Variants in RGS3 observed in about 807,000 individuals in gnomAD.
RGS3 encodes regulator of G protein signaling 3.
A neutral mutation model predicts 132.6 loss-of-function variants in RGS3; 80 were observed. The ratio of observed to expected loss-of-function variants is 0.60; its 90% CI spans 0.50 to 0.73. The LOEUF (loss-of-function observed/expected upper bound fraction) is 0.73, where lower values mean the gene tolerates loss of function less well. Ranked by LOEUF, RGS3 falls within the 30% of genes least tolerant of loss-of-function variation. The pLI is 0.00. For synonymous variants in RGS3, 598 were observed against 620.6 expected (o/e 0.96, Z 0.54); for missense variants, 1,382 against 1,530.8 (o/e 0.90, Z 1.62).
Position 113,594,233 on chromosome 9 carries a change from CCT to C in RGS3, c.3081-196_3081-195del, listed in dbSNP as rs749276986. 1.1e-5 allele frequency: 17 copies of C among 1,612,788 alleles called. No homozygotes were observed. In the South Asian group the frequency reaches 1.8e-4, roughly 17 times the overall value. On this transcript the variant is annotated intron_variant, in intron 21 of 24. Coordinates refer to ENST00000350696, the Ensembl canonical transcript of RGS3. The stretch of plus-strand genomic sequence containing the variant: ...GGGGACAGGAGCCAGAGTGGTGCCT[CCT>C]ACAGACCAATCTGCGGCCCCAAGGT...
intron 19 of RGS3, chr9:113,564,854 G>T (rs138813070): frequency 4.4e-6 from 4 of 905,950 alleles, no homozygotes; most frequent in African/African-American, 3.6e-5. Flanking sequence ...TGTGCTGGCT[G>T]CAGGAGCCTG....
intron 20 of RGS3, among the ~76,000 whole-genome samples, chr9:113,588,721 G>A (rs1010654494): frequency 2.6e-5 from 4 of 152,246 alleles, no homozygotes; most frequent in Non-Finnish European, 5.9e-5. Flanking sequence ...TGCTAGCTGA[G>A]AGTACTTGCT....
In RGS3 at chr9:113,565,919, G is replaced by GTGTC. The variant is rs1833987964; in HGVS notation, c.2038-17530_2038-17529insGTCT. ...TGTGTGTGTGTGTGTGTGTGTGTCT[G>GTGTC]TCTGTCTGTCTGTCTCAGGGGCTGG... is the stretch of plus-strand genomic sequence containing the variant. On this transcript the variant is annotated intron_variant, in intron 19 of 24. Transcript: ENST00000350696. This position sits in a 1 kb window ranked among gnomAD's most constrained non-coding sequence, Gnocchi z 5.7. 6.6e-6 allele frequency among the ~76,000 whole-genome samples: 1 copy of GTGTC among 151,348 alleles called. No individual in the cohort carries two copies. The highest frequency in any genetic ancestry group is 2.4e-5 in the African/African-American group (1 of 41,186).
chr9:113,560,652 G>A lies in RGS3; in HGVS notation c.2038-22798G>A, dbSNP rs73655869. Among the ~76,000 whole-genome samples the A allele has an allele frequency of 4.5e-3, 687 of 152,328 alleles. 5 individuals are homozygous for A. Among genetic ancestry groups the A allele is most frequent in the African/African-American group, 0.016 (665 of 41,568 alleles). On this transcript the variant is annotated intron_variant, in intron 19 of 24. Coordinates refer to ENST00000350696, the Ensembl canonical transcript of RGS3. ...AATAACTAATTAACATTTCTTGGCC[G>A]ACTCTGCAGTGGGGAGGGCCTTTTT...
intron 1 of RGS3, among the ~76,000 whole-genome samples, chr9:113,451,544 C>T (rs1261826189): frequency 6.6e-6 from 1 of 152,190 alleles, no homozygotes; most frequent in Non-Finnish European, 1.5e-5. Context: ...ATATTATTTT[C>T]TTCCATAAGT....
At chr9:113,461,791 C>T in exon 2 of RGS3, 1 of 1,614,162 alleles carries the variant, frequency 6.2e-7, no homozygotes, top group East Asian at 2.2e-5. Flanking sequence ...TGCTCACAGC[C>T]TCTGGAGCCC....
intron 19 of RGS3, among the ~76,000 whole-genome samples, chr9:113,566,341 C>A (rs755597203): frequency 6.6e-6 from 1 of 152,244 alleles, no homozygotes; most frequent in Non-Finnish European, 1.5e-5. Context: ...ACCCATCAGG[C>A]AGGGGGTGGT....
chr9:113,594,054 G>A (rs375798739), intron 21 of RGS3: 34 of 1,612,340 alleles, frequency 2.1e-5, no homozygotes, highest in Non-Finnish European at 2.6e-5. Context: ...TTTTTTTTCC[G>A]CTCCCCCTCC....
chr9:113,445,507 A>G (rs1003770070), intron 1 of RGS3, among the ~76,000 whole-genome samples: 1 of 152,132 alleles, frequency 6.6e-6, no homozygotes, highest in African/African-American at 2.4e-5. Context: ...CTGGGTTACC[A>G]TAATTTTCTA....
intron 3 of RGS3, among the ~76,000 whole-genome samples, chr9:113,462,671 A>G (rs1447300745): frequency 6.6e-6 from 1 of 152,212 alleles, no homozygotes; most frequent in Non-Finnish European, 1.5e-5. Flanking sequence ...TATTAGACTT[A>G]CCGTGAAGAT....
chr9:113,563,305 C>T (rs765319271), intron 19 of RGS3, among the ~76,000 whole-genome samples: 4 of 152,292 alleles, frequency 2.6e-5, no homozygotes, highest in Admixed American at 6.5e-5. Context: ...AGGGCCCTGC[C>T]TATTGGTTCT....
chr9:113,498,613 A>G (rs565246363), intron 10 of RGS3, among the ~76,000 whole-genome samples: 10 of 152,312 alleles, frequency 6.6e-5, no homozygotes, highest in African/African-American at 2.4e-4. Context: ...TTCTTTAACA[A>G]GTAAGAGAGG....
intron 19 of RGS3, among the ~76,000 whole-genome samples, chr9:113,549,305 G>A (rs1833236524): frequency 2.0e-5 from 3 of 152,218 alleles, no homozygotes; most frequent in South Asian, 4.1e-4. Flanking sequence ...GGGATCTGTT[G>A]TAATGCCTGG....
intron 10 of RGS3, among the ~76,000 whole-genome samples, chr9:113,504,297 C>G (rs1425106124): frequency 6.6e-6 from 1 of 152,178 alleles, no homozygotes; most frequent in Non-Finnish European, 1.5e-5. Flanking sequence ...CTTGGGACAC[C>G]CTTCCCTGTG....
intron 7 of RGS3, among the ~76,000 whole-genome samples, chr9:113,494,546 A>G (rs1210646846): frequency 6.6e-6 from 1 of 152,220 alleles, no homozygotes; most frequent in African/African-American, 2.4e-5. Context: ...GAACAGTAAC[A>G]CACAATCACA....
chr9:113,501,289 G>T, intron 10 of RGS3: 3 of 659,298 alleles, frequency 4.6e-6, no homozygotes, highest in East Asian at 6.1e-5. Flanking sequence ...GAACAAAGGC[G>T]CCCTCTCCCC....
At chr9:113,515,503 C>T (rs764617050) in intron 15 of RGS3, among the ~76,000 whole-genome samples, 19 of 151,834 alleles carry the variant, frequency 1.3e-4, no homozygotes, top group Non-Finnish European at 2.1e-4. Context: ...CGGTGGCAGG[C>T]GCCTGTAATC....
chr9:113,556,776 G>A (rs1833584949), intron 19 of RGS3, among the ~76,000 whole-genome samples: 1 of 152,148 alleles, frequency 6.6e-6, no homozygotes, highest in African/African-American at 2.4e-5. Flanking sequence ...AACAGACTGG[G>A]CTACTGAGGC....
chr9:113,477,008 C>T (rs967628825), intron 3 of RGS3, among the ~76,000 whole-genome samples: 7 of 152,138 alleles, frequency 4.6e-5, no homozygotes, highest in East Asian at 1.9e-4. Flanking sequence ...CCCATGACTG[C>T]GGGCTTCGTT....
Sources: gnomAD v4.1 joint callset for allele counts (sites outside exome capture counted in the v4.1 genomes callset) on GRCh38, gnomAD v4.1.1 for gene constraint, Gnocchi (gnomAD v3.1) non-coding constraint, MANE v1.5 for transcripts, NCBI Gene and HGNC (gene_info 2026-07-23, HGNC 2026-07-21) for gene names.